IDO1: variants seen among roughly 807,000 people sequenced by gnomAD.
IDO1 encodes indolamine 2,3 dioxygenase.
A neutral mutation model predicts 38.8 loss-of-function variants in IDO1; 35 were observed. The observed-to-expected ratio is 0.90, with a 90% CI of 0.69 to 1.20. The LOEUF is 1.20. Ranked by LOEUF, IDO1 falls within the 50% of genes most tolerant of loss-of-function variation. The probability of loss-of-function intolerance (pLI) is 0.00; values close to 1 mark genes in which losing one functional copy is unlikely to be tolerated. For synonymous variants in IDO1, 171 were observed against 170.0 expected, an observed-to-expected ratio of 1.01 and a Z score of -0.05; for missense variants, 509 against 485.1, an observed-to-expected ratio of 1.05 and a Z score of -0.46.
intron 5 of IDO1, 22 bp downstream of exon 5, chr8:39,920,136 G>A: frequency 1.3e-6 from 2 of 1,589,332 alleles, no homozygotes; most frequent in Non-Finnish European, 1.7e-6. Flanking sequence ...ATTCTTGTTT[G>A]ATTCTAAGAA....
chr8:39,922,264 G>A (rs1295285804), intron 5 of IDO1, among the ~76,000 whole-genome samples: 4 of 152,086 alleles, frequency 2.6e-5, no homozygotes, highest in South Asian at 4.1e-4. Flanking sequence ...GCCTCCTAAA[G>A]TGCCGGAATT....
At chr8:39,920,293 T>TA (rs1415209738) in intron 5 of IDO1, among the ~76,000 whole-genome samples, 179 bp downstream of exon 5, 2 of 152,240 alleles carry the variant, frequency 1.3e-5, no homozygotes, top group African/African-American at 4.8e-5. Flanking sequence ...ATGATTGTGT[T>TA]ACAACTATGT....
Position 39,927,812 on chromosome 8 carries a change from T to C in IDO1, c.857-18T>C, listed in dbSNP as rs113574990. 338 of 1,466,874 alleles carry C rather than the reference T, an allele frequency of 2.3e-4. 1 individual carries two copies. In the African/African-American group the frequency reaches 3.9e-3, roughly 17 times the overall value. The allele number at this position is 1,466,874 out of a possible 1,614,324, so 90.9% of individuals were successfully genotyped here. ...AATGCTGTGACCTCCGTATTTCCTC[T>C]TTCTCTTTTTCCTATAGGACATGCT... On this transcript the variant is annotated intron_variant, in intron 9 of 9. Coordinates refer to ENST00000518237, the MANE Select transcript of IDO1 (RefSeq NM_002164.6).
At chr8:39,919,434 C>A (rs1807235067) in intron 4 of IDO1, among the ~76,000 whole-genome samples, 1 of 151,924 alleles carries the variant, frequency 6.6e-6, no homozygotes, top group Non-Finnish European at 1.5e-5. Flanking sequence ...TTTTAGCAGC[C>A]AATTGTGGTT....
At position 39,913,995 on chromosome 8, in the gene IDO1, C is replaced by T. The variant is rs770331245; in HGVS notation, c.73C>T (p.Leu25=). 2.6e-6 allele frequency: 4 copies of T among 1,568,566 alleles called. No homozygotes were observed. In the Admixed American group the frequency reaches 5.7e-5, roughly 22 times the overall value. The change falls in exon 1 of 10, where the codon CTG becomes TTG. Residue 25 remains leucine, a synonymous_variant. Coordinates refer to ENST00000518237, the MANE Select transcript of IDO1 (RefSeq NM_002164.6). ...YHIDEEVGFA[L]PNPQENLPDF... ...TATTGATGAAGAAGTGGGCTTTGCT[C>T]TGCCAAATCCACAGGTAAGAGAAGG...
In IDO1 at chr8:39,922,538, T is replaced by A; in HGVS notation, c.438-14T>A. ...TTTGCTAAACTTCTTGCCTTCCTTA[T>A]CCAATTTCCTCAGGAACATGGACGT... is the stretch of plus-strand genomic sequence containing the variant. On this transcript the variant is annotated splice_polypyrimidine_tract_variant and intron_variant, in intron 5 of 9. Coordinates refer to ENST00000518237, the MANE Select transcript of IDO1 (RefSeq NM_002164.6). 1 of 1,579,822 alleles carries A rather than the reference T, an allele frequency of 6.3e-7. No homozygotes were observed. The highest frequency in any genetic ancestry group is 2.2e-5 in the East Asian group (1 of 44,728).
At chr8:39,926,173 C>T (rs966460359) in intron 9 of IDO1, among the ~76,000 whole-genome samples, 27 of 151,924 alleles carry the variant, frequency 1.8e-4, no homozygotes, top group South Asian at 4.2e-4. Context: ...GGCAAGAGTG[C>T]GAGACTCCAT....
intron 5 of IDO1, among the ~76,000 whole-genome samples, chr8:39,921,208 G>A (rs78512479): frequency 6.6e-6 from 1 of 151,722 alleles, no homozygotes; most frequent in East Asian, 1.9e-4. Context: ...TTTTTTTAAA[G>A]ATCGCTGGGA....
At chr8:39,923,615 A>G in intron 7 of IDO1, 29 bp downstream of exon 7, 1 of 1,288,844 alleles carries the variant, frequency 7.8e-7, no homozygotes. Context: ...GCAATAGTCT[A>G]GGCTGACAAG....
rs1563417331 is a variant in IDO1, at chr8:39,925,216, C to G, written c.708-7C>G. ...ATTTTTCTTTTTTTCTTTCTTTCCTCTGATAGCTGGAAAGGCAACCCCCAG... is the reference window on the plus strand; with the variant it reads ...ATTTTTCTTTTTTTCTTTCTTTCCTGTGATAGCTGGAAAGGCAACCCCCAG... On this transcript the variant is annotated splice_polypyrimidine_tract_variant and splice_region_variant and intron_variant, in intron 8 of 9. Transcript: ENST00000518237. 1.3e-6 allele frequency: 2 copies of G among 1,573,332 alleles called. No individual in the cohort carries two copies. The highest frequency in any genetic ancestry group is 1.7e-6 in the Non-Finnish European group (2 of 1,165,262).
intron 7 of IDO1, 181 bp downstream of exon 7, chr8:39,923,767 T>A (rs544694847): frequency 1.8e-5 from 8 of 434,716 alleles, no homozygotes; most frequent in Non-Finnish European, 3.3e-5. Flanking sequence ...ATTTTATAAG[T>A]AAAGTCATCT....
At chr8:39,920,163 G>A in intron 5 of IDO1, 49 bp downstream of exon 5, 1 of 1,466,608 alleles carries the variant, frequency 6.8e-7, no homozygotes, top group African/African-American at 1.4e-5. Flanking sequence ...GTTACTTATA[G>A]TTGAATGTAG....
chr8:39,927,571 A>G (rs1807385515), intron 9 of IDO1, among the ~76,000 whole-genome samples: 3 of 152,128 alleles, frequency 2.0e-5, no homozygotes, highest in African/African-American at 7.2e-5. Flanking sequence ...AAAAAAAAAA[A>G]AAAAAGCGCA....
At chr8:39,926,240 A>T (rs965226732) in intron 9 of IDO1, among the ~76,000 whole-genome samples, 1 of 152,234 alleles carries the variant, frequency 6.6e-6, no homozygotes, top group South Asian at 2.1e-4. Flanking sequence ...ATAAATTGGC[A>T]GAGCTTTCCT....
Position 39,922,645 on chromosome 8 carries a change from A to T in IDO1, c.531A>T (p.Ala177=), listed in dbSNP as rs1318336953. ...TGGTGGAAATAGCAGCTGCTTCTGC[A>T]ATCAAAGTACGTCTATCCTCACTTC... is the stretch of plus-strand genomic sequence containing the variant. ...SLLVEIAAAS[A]IKVIPTVFKA... Residue 177 remains alanine (A), a synonymous_variant, in exon 6 of 10, where the codon GCA becomes GCT. Transcript: ENST00000518237. 1.2e-6 allele frequency: 2 copies of T among 1,606,436 alleles called. No homozygotes were observed. Among genetic ancestry groups the T allele is most frequent in the Non-Finnish European group, 1.7e-6 (2 of 1,173,232 alleles).
intron 5 of IDO1, among the ~76,000 whole-genome samples, chr8:39,921,047 A>C (rs1197662974): frequency 6.6e-6 from 1 of 152,214 alleles, no homozygotes. Flanking sequence ...AATTAGCTAG[A>C]GGAAAAAGGT....
At chr8:39,926,462 C>T (rs190254766) in intron 9 of IDO1, among the ~76,000 whole-genome samples, 1 of 152,320 alleles carries the variant, frequency 6.6e-6, no homozygotes, top group African/African-American at 2.4e-5. Context: ...TGGCCCCAGC[C>T]ACCCAGAGCA....
chr8:39,928,732 CAA>C lies in IDO1; in HGVS notation c.*563_*564del, dbSNP rs34719328. Among the ~76,000 whole-genome samples, 21 of 72,122 alleles carry C rather than the reference CAA, an allele frequency of 2.9e-4. No individual in the cohort carries two copies. The highest frequency in any genetic ancestry group is 3.1e-4 in the Admixed American group (2 of 6,430). 47.3% of individuals were successfully genotyped at this position (72,122 alleles called of 152,430 possible). On this transcript the variant is annotated 3_prime_UTR_variant, in exon 10 of 10. Coordinates refer to ENST00000518237, the MANE Select transcript of IDO1 (RefSeq NM_002164.6). ...TGGGCTAAAGAGCGGGACTCCGTCT[CAA>C]AAAAAAAAAAAAAAAGATATATTCT...
At chr8:39,926,103 C>G (rs909935742) in intron 9 of IDO1, among the ~76,000 whole-genome samples, 4 of 152,020 alleles carry the variant, frequency 2.6e-5, no homozygotes, top group Non-Finnish European at 5.9e-5. Flanking sequence ...AGGAGAATGG[C>G]GTGAACCCAG....
Sources: gnomAD v4.1 joint callset for allele counts (sites outside exome capture counted in the v4.1 genomes callset) on GRCh38, gnomAD v4.1.1 for gene constraint, MANE v1.5 for transcripts, NCBI Gene and HGNC (gene_info 2026-07-23, HGNC 2026-07-21) for gene names.